Variants in LRRC4C observed in about 807,000 individuals in gnomAD.
LRRC4C encodes leucine rich repeat containing 4C, also known as leucine-rich repeat-containing protein 4C.
In LRRC4C, 5 loss-of-function variants were observed where a neutral mutation model predicts 33.6. The observed-to-expected ratio is 0.15, with a 90% CI of 0.08 to 0.31. The LOEUF (loss-of-function observed/expected upper bound fraction) is 0.31. Ranked by LOEUF, LRRC4C falls within the 10% of genes least tolerant of loss-of-function variation. The pLI is 1.00. For missense variants in LRRC4C, 560 were observed against 796.7 expected (o/e 0.70, Z 3.58); for synonymous variants, 329 against 302.0 (o/e 1.09, Z -0.93).
chr11:40,997,309 G>C (rs1854052234), intron 1 of LRRC4C, among the ~76,000 whole-genome samples: 2 of 152,056 alleles, frequency 1.3e-5, no homozygotes. Flanking sequence ...ATAAGAGACA[G>C]TAAAGGGACA....
At chr11:40,882,382 G>A (rs992637224) in intron 2 of LRRC4C, among the ~76,000 whole-genome samples, 1 of 152,114 alleles carries the variant, frequency 6.6e-6, no homozygotes, top group Non-Finnish European at 1.5e-5. Context: ...AATTAGGGCA[G>A]TTCCTGGCAA....
intron 3 of LRRC4C, among the ~76,000 whole-genome samples, chr11:40,504,797 G>A (rs187707977): frequency 7.9e-5 from 12 of 152,112 alleles, no homozygotes; most frequent in Middle Eastern, 3.4e-3. Flanking sequence ...TTTAGAGAGC[G>A]GAGGCTGTCT....
At chr11:40,523,261 T>C (rs1296039215) in intron 3 of LRRC4C, among the ~76,000 whole-genome samples, 1 of 152,150 alleles carries the variant, frequency 6.6e-6, no homozygotes, top group Non-Finnish European at 1.5e-5. Flanking sequence ...TGGATTTGAT[T>C]TGCATTTTAT....
intron 1 of LRRC4C, among the ~76,000 whole-genome samples, chr11:40,959,075 C>T (rs1959081401): frequency 6.6e-6 from 1 of 151,662 alleles, no homozygotes; most frequent in Non-Finnish European, 1.5e-5. Flanking sequence ...CACTAAGAAG[C>T]TTTGAAAATG....
chr11:41,452,315 CTTA>C (rs1272307780), intron 1 of LRRC4C, among the ~76,000 whole-genome samples: 1 of 152,022 alleles, frequency 6.6e-6, no homozygotes, highest in Non-Finnish European at 1.5e-5. Context: ...CTTTAAGTAA[CTTA>C]TTATCAAATA....
At chr11:41,195,011 C>T (rs1946120579) in intron 1 of LRRC4C, among the ~76,000 whole-genome samples, 1 of 151,688 alleles carries the variant, frequency 6.6e-6, no homozygotes, top group Non-Finnish European at 1.5e-5. Context: ...GTAATACTCA[C>T]TAAGATAAAA....
intron 2 of LRRC4C, among the ~76,000 whole-genome samples, chr11:40,894,036 G>A (rs1955833555): frequency 6.6e-6 from 1 of 152,000 alleles, no homozygotes; most frequent in Admixed American, 6.6e-5. Context: ...TAATATCCAT[G>A]AAATCATTTG....
intron 1 of LRRC4C, among the ~76,000 whole-genome samples, chr11:41,277,265 T>C (rs1465853485): frequency 6.6e-6 from 1 of 152,318 alleles, no homozygotes; most frequent in Admixed American, 6.5e-5. Flanking sequence ...CATTGCTTTA[T>C]GCAGTCTTTA....
At chr11:41,217,871 C>G (rs945561304) in intron 1 of LRRC4C, among the ~76,000 whole-genome samples, 2 of 145,884 alleles carry the variant, frequency 1.4e-5, no homozygotes, top group Admixed American at 6.8e-5. Flanking sequence ...ATTATGTTCA[C>G]ACAATAGAAT....
At chr11:40,346,419 GGCCA>G (rs1187605540) in intron 3 of LRRC4C, among the ~76,000 whole-genome samples, 1 of 152,092 alleles carries the variant, frequency 6.6e-6, no homozygotes, top group Non-Finnish European at 1.5e-5. Context: ...AGGAGCTAGA[GGCCA>G]TTATTCTTAG....
At chr11:41,160,157 C>T (rs150699977) in intron 1 of LRRC4C, among the ~76,000 whole-genome samples, 1 of 152,064 alleles carries the variant, frequency 6.6e-6, no homozygotes, top group East Asian at 1.9e-4. Flanking sequence ...ATTCTATGTG[C>T]TTCTGCCATA....
intron 1 of LRRC4C, among the ~76,000 whole-genome samples, chr11:41,174,759 T>C (rs1302221213): frequency 6.6e-6 from 1 of 152,084 alleles, no homozygotes; most frequent in Admixed American, 6.6e-5. Context: ...GGCTCAGAAC[T>C]CTTTCTTGAG....
chr11:40,372,559 A>C (rs910244286), intron 3 of LRRC4C, among the ~76,000 whole-genome samples: 10 of 152,198 alleles, frequency 6.6e-5, no homozygotes, highest in African/African-American at 2.4e-4. Context: ...TTTGCCGCGT[A>C]ACATAACTTG....
At position 40,542,050 on chromosome 11, in the gene LRRC4C, C is replaced by CTCTTTCTTTCTCTT. The variant is rs1409825991; in HGVS notation, c.-270+106091_-270+106092insAAGAGAAAGAAAGA. Among the ~76,000 whole-genome samples, 21 of 112,750 alleles carry CTCTTTCTTTCTCTT rather than the reference C, an allele frequency of 1.9e-4. No homozygotes were observed. The East Asian group carries it at 2.9e-3, about 16-fold the overall frequency. 74.0% of individuals were successfully genotyped at this position (112,750 alleles called of 152,430 possible). A position where few individuals can be genotyped will look rare whatever the true frequency, so the allele number is the denominator to read the frequency against. ...TTTCTCTTTCTCTTTCTTTCTCTTT[C>CTCTTTCTTTCTCTT]TCTCTTTCTTTCTTTCTCTCTCTCT... On this transcript the variant is annotated intron_variant, in intron 3 of 6. Coordinates refer to ENST00000528697, the MANE Select transcript of LRRC4C (RefSeq NM_001258419.2).
chr11:40,771,096 T>G (rs1348438881), intron 2 of LRRC4C, among the ~76,000 whole-genome samples: 1 of 152,222 alleles, frequency 6.6e-6, no homozygotes, highest in African/African-American at 2.4e-5. Flanking sequence ...CTGCACTGCC[T>G]TAGCAGAGTT....
intron 1 of LRRC4C, among the ~76,000 whole-genome samples, chr11:41,274,953 T>C (rs192906597): frequency 3.3e-5 from 5 of 152,064 alleles, no homozygotes; most frequent in African/African-American, 9.6e-5. Context: ...TACTGGGAGA[T>C]GTATGGGTCA....
At position 40,646,761 on chromosome 11, in the gene LRRC4C, C is replaced by A. The variant is rs148623724; in HGVS notation, c.-270+1381G>T. ...AGCTGGGACTACAGGCGCCCACCAC[C>A]GCGCCCAGCTAATTTTTCGTATTTT... On this transcript the variant is annotated intron_variant, in intron 3 of 6. Transcript: ENST00000528697. Among the ~76,000 whole-genome samples, 4 of 152,116 alleles carry A rather than the reference C, an allele frequency of 2.6e-5. No individual in the cohort carries two copies. In the South Asian group the frequency reaches 8.3e-4, roughly 32 times the overall value.
intron 4 of LRRC4C, among the ~76,000 whole-genome samples, chr11:40,281,024 G>A (rs1276884686): frequency 2.0e-5 from 3 of 152,148 alleles, no homozygotes; most frequent in Admixed American, 6.5e-5. Context: ...GAAAAGGGAT[G>A]GGGAGGACTA....
At chr11:40,549,404 G>A (rs935284717) in intron 3 of LRRC4C, among the ~76,000 whole-genome samples, 3 of 152,126 alleles carry the variant, frequency 2.0e-5, no homozygotes, top group Non-Finnish European at 4.4e-5. Context: ...ACAGAGAATA[G>A]GTCCTATAGT....
Sources: gnomAD v4.1 joint callset for allele counts (sites outside exome capture counted in the v4.1 genomes callset) on GRCh38, gnomAD v4.1.1 for gene constraint, MANE v1.5 for transcripts, NCBI Gene and HGNC (gene_info 2026-07-23, HGNC 2026-07-21) for gene names.